The following FRMD4B variants were observed in gnomAD, a reference collection of about 807,000 sequenced individuals.
FRMD4B encodes the protein FERM domain containing 4B.
In FRMD4B, 74 loss-of-function variants were observed where a neutral mutation model predicts 141.5. That is an observed-to-expected ratio of 0.52 (90% confidence interval 0.43 to 0.63). The LOEUF is 0.63. FRMD4B is among the 30% of genes least tolerant of loss of function. The pLI is 0.00. For synonymous variants in FRMD4B, 506 were observed against 467.9 expected (o/e 1.08, Z -1.05); for missense variants, 1,366 against 1,253.4 (o/e 1.09, Z -1.36).
chr3:69,427,218 T>C (rs1705096052), intron 2 of FRMD4B, among the ~76,000 whole-genome samples: 1 of 150,234 alleles, frequency 6.7e-6, no homozygotes, highest in Non-Finnish European at 1.5e-5. Flanking sequence ...GGAGAAGGGC[T>C]CTGTGGTAAA....
intron 1 of FRMD4B, among the ~76,000 whole-genome samples, chr3:69,460,966 T>C (rs1705698147): frequency 6.6e-6 from 1 of 152,242 alleles, no homozygotes; most frequent in Non-Finnish European, 1.5e-5. Flanking sequence ...TGGTCAACAC[T>C]ATCTAGACAA....
intron 1 of FRMD4B, among the ~76,000 whole-genome samples, chr3:69,338,209 A>G (rs1384876353): frequency 1.3e-5 from 2 of 152,190 alleles, no homozygotes; most frequent in East Asian, 3.9e-4. Context: ...TCGCAAGGAC[A>G]AAAAACCAAA....
intron 2 of FRMD4B, among the ~76,000 whole-genome samples, chr3:69,426,031 G>A (rs1705071557): frequency 6.6e-6 from 1 of 152,212 alleles, no homozygotes; most frequent in Non-Finnish European, 1.5e-5. Flanking sequence ...TTTTGCTAAA[G>A]ATTGATCAAG....
In FRMD4B at chr3:69,477,394, C is replaced by T. The variant is rs1011265289; in HGVS notation, c.-128-44633G>A. 2.7e-5 allele frequency among the ~76,000 whole-genome samples: 4 copies of T among 148,868 alleles called. No individual in the cohort carries two copies. In the South Asian group the frequency reaches 6.5e-4, roughly 24 times the overall value. On this transcript the variant is annotated intron_variant, in intron 1 of 5. Coordinates refer to the FRMD4B transcript ENST00000459638. Reference sequence around the variant, plus strand: ...ATACGTCCCATCAATACCTAATTTACTGAGAGTTTTTAGCATGAAGGGTTG... The same window carrying T: ...ATACGTCCCATCAATACCTAATTTATTGAGAGTTTTTAGCATGAAGGGTTG...
chr3:69,431,832 C>T (rs1428823225), intron 2 of FRMD4B, among the ~76,000 whole-genome samples: 3 of 152,200 alleles, frequency 2.0e-5, no homozygotes. Flanking sequence ...ACATAAAATG[C>T]TGTTCCTAAC....
intron 11 of FRMD4B, among the ~76,000 whole-genome samples, chr3:69,206,566 C>T (rs2093026006): frequency 6.6e-6 from 1 of 152,174 alleles, no homozygotes; most frequent in Admixed American, 6.5e-5. Flanking sequence ...CCTGTTAAGA[C>T]TCTCGTTAGC....
intron 1 of FRMD4B, among the ~76,000 whole-genome samples, chr3:69,374,137 T>C (rs1703905999): frequency 6.6e-6 from 1 of 152,206 alleles, no homozygotes; most frequent in African/African-American, 2.4e-5. Context: ...ATCAAGTCTT[T>C]GCAAGGGGTC....
intron 2 of FRMD4B, among the ~76,000 whole-genome samples, chr3:69,426,338 G>GTA (rs1705077831): frequency 6.6e-6 from 1 of 151,938 alleles, no homozygotes; most frequent in African/African-American, 2.4e-5. Context: ...GTGTGTGTGT[G>GTA]TGTGCATGTG....
At chr3:69,473,390 T>C (rs1229482216) in intron 1 of FRMD4B, among the ~76,000 whole-genome samples, 1 of 152,168 alleles carries the variant, frequency 6.6e-6, no homozygotes, top group Non-Finnish European at 1.5e-5. Context: ...GCCAATTCGA[T>C]TTCCAGTCTA....
chr3:69,501,101 ATATT>A (rs1172994342), intron 1 of FRMD4B, among the ~76,000 whole-genome samples: 2 of 152,202 alleles, frequency 1.3e-5, no homozygotes, highest in Non-Finnish European at 2.9e-5. Flanking sequence ...CAAAATTTGC[ATATT>A]TATTAATGTA....
At chr3:69,359,207 A>C (rs934015571) in intron 1 of FRMD4B, among the ~76,000 whole-genome samples, 18 of 152,160 alleles carry the variant, frequency 1.2e-4, no homozygotes, top group Admixed American at 2.0e-4. Flanking sequence ...AAGACTTAGG[A>C]GGAAAATAAA....
chr3:69,276,472 C>T (rs1312264999), intron 5 of FRMD4B, among the ~76,000 whole-genome samples: 1 of 152,092 alleles, frequency 6.6e-6, no homozygotes, highest in African/African-American at 2.4e-5. Context: ...CAGGGTTTCA[C>T]CATGTTGCCC....
At chr3:69,541,447 C>T (rs1701183006) in intron 1 of FRMD4B, 1 of 152,296 alleles carries the variant, frequency 6.6e-6, no homozygotes, top group Admixed American at 6.5e-5. Context: ...AGACCTCCTC[C>T]TGCGGCTGCT....
intron 7 of FRMD4B, among the ~76,000 whole-genome samples, chr3:69,238,167 CTG>C (rs2093358633): frequency 6.6e-6 from 1 of 152,172 alleles, no homozygotes; most frequent in Non-Finnish European, 1.5e-5. Context: ...GATAAGGAAA[CTG>C]AGATTTAGAA....
chr3:69,197,637 AAGAG>A (rs763183080), intron 12 of FRMD4B: 4 of 151,922 alleles, frequency 2.6e-5, no homozygotes, highest in Non-Finnish European at 5.9e-5. Flanking sequence ...GGGGAAGTGA[AAGAG>A]AGAGAGACAG....
intron 7 of FRMD4B, among the ~76,000 whole-genome samples, chr3:69,226,432 T>A (rs893849354): frequency 1.3e-5 from 2 of 152,166 alleles, no homozygotes; most frequent in African/African-American, 2.4e-5. Flanking sequence ...TTACTTTTTT[T>A]TTTTTTTCCA....
intron 1 of FRMD4B, among the ~76,000 whole-genome samples, chr3:69,377,576 C>A (rs933772772): frequency 5.3e-5 from 8 of 152,156 alleles, no homozygotes; most frequent in Middle Eastern, 3.2e-3. Flanking sequence ...GATCTCAAAC[C>A]CGTCTGGAAA....
At chr3:69,471,949 G>A (rs1705899117) in intron 1 of FRMD4B, 1 of 155,472 alleles carries the variant, frequency 6.4e-6, no homozygotes, top group Non-Finnish European at 1.4e-5. Context: ...TCCTTTGGGG[G>A]CTCTATTTAT....
intron 7 of FRMD4B, among the ~76,000 whole-genome samples, chr3:69,232,480 T>A (rs1411422315): frequency 6.6e-6 from 1 of 152,190 alleles, no homozygotes; most frequent in Non-Finnish European, 1.5e-5. Flanking sequence ...CTACTACAAC[T>A]ATTTCTCAGG....
Sources: allele counts gnomAD v4.1 joint callset (sites outside exome capture counted in the v4.1 genomes callset), GRCh38; gene constraint gnomAD v4.1.1; transcripts MANE v1.5; gene names NCBI Gene and HGNC (gene_info 2026-07-23, HGNC 2026-07-21).